UMODL1: variants seen among roughly 807,000 people sequenced by gnomAD.
UMODL1 encodes the protein uromodulin-like 1.
UMODL1 carries 128 observed loss-of-function variants against 136.3 expected under a neutral mutation model. That is an observed-to-expected ratio of 0.94 (90% confidence interval 0.81 to 1.09). The LOEUF (loss-of-function observed/expected upper bound fraction) is 1.09. Ranked by LOEUF, UMODL1 falls within the 50% of genes least tolerant of loss-of-function variation. The pLI, the probability that UMODL1 is intolerant of heterozygous loss-of-function variation, is 0.00. For synonymous variants in UMODL1, 721 were observed against 720.0 expected (o/e 1.00, Z -0.02); for missense variants, 1,766 against 1,725.6 (o/e 1.02, Z -0.41).
Position 42,111,535 on chromosome 21 carries a change from C to A in UMODL1, c.1929C>A (p.Pro643=). ...ELQGNSIMEP[P]SWPSPTEDPT... ...AGGGAAACTCCATCATGGAGCCACC[C>A]TCCTGGCCTTCCCCTACTGAGGACC... is the stretch of plus-strand genomic sequence containing the variant. The change falls in exon 12 of 23, where the codon CCC becomes CCA. Residue 643 remains proline, a synonymous_variant. Coordinates refer to ENST00000408910, the MANE Select transcript of UMODL1 (RefSeq NM_001004416.3). 6.2e-7 allele frequency: 1 copy of A among 1,614,098 alleles called. No individual in the cohort carries two copies. The highest frequency in any genetic ancestry group is 1.1e-5 in the South Asian group (1 of 91,088).
rs762662759 is a variant in UMODL1, at chr21:42,084,213, G to A, written c.449G>A (p.Gly150Glu). 1 of 1,613,788 alleles carries A rather than the reference G, an allele frequency of 6.2e-7. No homozygotes were observed. Among genetic ancestry groups the A allele is most frequent in the Non-Finnish European group, 8.5e-7 (1 of 1,180,010 alleles). Residue 150 changes from glycine (G) to glutamate (E), a missense_variant, in exon 3 of 23, where the codon GGG (glycine) becomes GAG (glutamate). By Grantham distance (98) the Gly-to-Glu change is moderately conservative (BLOSUM62 -2). Transcript: ENST00000408910. The part of the protein sequence containing the change: ...PGLEKCCPWS[G>E]GRYCMAPAPQ... The stretch of plus-strand genomic sequence containing the variant: ...CTTGAGAAGTGCTGCCCCTGGTCAG[G>A]GGGGCGCTACTGCATGGCCCCTGCA...
chr21:42,129,879 T>C (rs1204824003), intron 21 of UMODL1, 82 bp downstream of exon 21: 8 of 1,074,302 alleles, frequency 7.4e-6, no homozygotes, highest in Non-Finnish European at 1.1e-5. Flanking sequence ...AAAAAGTAAC[T>C]GTTGTGAAAT....
In UMODL1 at chr21:42,121,090, A is replaced by T. The variant is rs763646701; in HGVS notation, c.2693A>T (p.Tyr898Phe). The change falls in exon 16 of 23, where the codon TAC (tyrosine) becomes TTC (phenylalanine). Residue 898 changes from tyrosine to phenylalanine, a missense_variant. Transcript: ENST00000408910. ...TTGTCTTCTAAATGTTGTGCAGATT[A>T]CGATGAGTGTGAAAGGAAGGAGGAC... ...VIRGDTFIQD[Y>F]DECERKEDDC... 1 of 1,612,952 alleles carries T rather than the reference A, an allele frequency of 6.2e-7. No individual in the cohort carries two copies. The highest frequency in any genetic ancestry group is 2.2e-5 in the East Asian group (1 of 44,828).
At chr21:42,073,026 G>A (rs982169391) in intron 1 of UMODL1, among the ~76,000 whole-genome samples, 4 of 152,070 alleles carry the variant, frequency 2.6e-5, no homozygotes, top group African/African-American at 9.7e-5. Flanking sequence ...GTGTGTGCGC[G>A]CGCGCGTGTG....
rs768664920 is a variant in UMODL1 at position 42,110,851 on chromosome 21, A to C, written c.1658-29A>C. 11 of 1,565,066 alleles carry C rather than the reference A, an allele frequency of 7.0e-6. No individual in the cohort carries two copies. The Admixed American group carries it at 1.7e-4, about 24-fold the overall frequency. On this transcript the variant is annotated intron_variant, in intron 10 of 22. Coordinates refer to ENST00000408910, the MANE Select transcript of UMODL1 (RefSeq NM_001004416.3). ...CTCTTACTCGTGGGTGGGATCCAGC[A>C]GGCTCTGACAGTGGATGTGTCTTGG...
intron 22 of UMODL1, 142 bp downstream of exon 22, chr21:42,137,783 A>T: frequency 2.0e-6 from 2 of 994,178 alleles, no homozygotes; most frequent in Non-Finnish European, 2.9e-6. Context: ...GGAGTGGGGT[A>T]GGAGGTGCAG....
At position 42,119,299 on chromosome 21, in the gene UMODL1, G is replaced by A. The variant is rs1341675609; in HGVS notation, c.2664G>A (p.Val888=). 1.2e-6 allele frequency: 2 copies of A among 1,614,138 alleles called. No individual in the cohort carries two copies. The highest frequency in any genetic ancestry group is 1.7e-6 in the Non-Finnish European group (2 of 1,180,034). Reference sequence around the variant, plus strand: ...TCCAGACCGTGCCTCTGCTGGAGGTGATCAGAGGCGACACCTTCATACAGG... The same window carrying A: ...TCCAGACCGTGCCTCTGCTGGAGGTAATCAGAGGCGACACCTTCATACAGG... ...TAFQTVPLLE[V]IRGDTFIQDY... Residue 888 remains valine, a synonymous_variant, in exon 15 of 23, where the codon GTG becomes GTA. Coordinates refer to ENST00000408910, the MANE Select transcript of UMODL1 (RefSeq NM_001004416.3).
intron 21 of UMODL1, among the ~76,000 whole-genome samples, chr21:42,130,466 C>T (rs2067119906): frequency 6.6e-6 from 1 of 150,978 alleles, no homozygotes. Context: ...AAATTGTGTG[C>T]TTTGGGTATT....
At chr21:42,108,861 G>A (rs2066764280) in intron 9 of UMODL1, among the ~76,000 whole-genome samples, 1 of 151,924 alleles carries the variant, frequency 6.6e-6, no homozygotes, top group Non-Finnish European at 1.5e-5. Flanking sequence ...GTTGTACTCC[G>A]CTGGACCCCA....
At chr21:42,066,029 C>T (rs987101710) in intron 1 of UMODL1, among the ~76,000 whole-genome samples, 5 of 152,186 alleles carry the variant, frequency 3.3e-5, no homozygotes, top group African/African-American at 9.7e-5. Flanking sequence ...ATTGTTAGGG[C>T]GACAGCATTC....
At position 42,119,251 on chromosome 21, in the gene UMODL1, G is replaced by A. The variant is rs371496159; in HGVS notation, c.2616G>A (p.Val872=). Residue 872 remains valine (V), a synonymous_variant, in exon 15 of 23, where the codon GTG becomes GTA. Coordinates refer to ENST00000408910, the MANE Select transcript of UMODL1 (RefSeq NM_001004416.3). The stretch of plus-strand genomic sequence containing the variant: ...TCGCAGATGTGGATGTCCAGGAGGT[G>A]TCAGCTGCATTTCTCACCGCCTTCC... ...LIIADVDVQE[V]SAAFLTAFQT... The A allele has an allele frequency of 6.2e-6, 10 of 1,614,234 alleles. No individual in the cohort carries two copies. Among genetic ancestry groups the A allele is most frequent in the Non-Finnish European group, 8.5e-6 (10 of 1,180,026 alleles).
chr21:42,098,674 A>AG (rs771318201), intron 6 of UMODL1, among the ~76,000 whole-genome samples: 2 of 152,136 alleles, frequency 1.3e-5, no homozygotes, highest in Non-Finnish European at 2.9e-5. Flanking sequence ...AGGCTGAGGC[A>AG]GAGAATTGCT....
chr21:42,088,187 T>C, intron 4 of UMODL1, 107 bp from the exon 5 acceptor site: 3 of 1,175,984 alleles, frequency 2.6e-6, no homozygotes, highest in Non-Finnish European at 3.6e-6. Flanking sequence ...AAGAGCAGAA[T>C]GGTACGTGTG....
Position 42,076,258 on chromosome 21 carries a change from G to A in UMODL1, c.319+11G>A. ...TCTACTGTGTCTTGCGTGAGTCCAG[G>A]GCTGCTGGGCTGGGGCGGGGCCACC... On this transcript the variant is annotated intron_variant, in intron 2 of 22. Coordinates refer to ENST00000408910, the MANE Select transcript of UMODL1 (RefSeq NM_001004416.3). The A allele has an allele frequency of 3.7e-6, 6 of 1,613,110 alleles. No homozygotes were observed. The highest frequency in any genetic ancestry group is 5.1e-6 in the Non-Finnish European group (6 of 1,179,154).
Position 42,076,250 on chromosome 21 carries a change from G to T in UMODL1, c.319+3G>T. ...GCTCGGCCTCTACTGTGTCTTGCGT[G>T]AGTCCAGGGCTGCTGGGCTGGGGCG... On this transcript the variant is annotated splice_donor_region_variant and intron_variant, in intron 2 of 22. Coordinates refer to ENST00000408910, the MANE Select transcript of UMODL1 (RefSeq NM_001004416.3). The T allele has an allele frequency of 6.2e-7, 1 of 1,614,164 alleles. No homozygotes were observed. The highest frequency in any genetic ancestry group is 1.1e-5 in the South Asian group (1 of 91,074).
At chr21:42,073,060 G>A (rs2066249987) in intron 1 of UMODL1, among the ~76,000 whole-genome samples, 2 of 152,218 alleles carry the variant, frequency 1.3e-5, no homozygotes, top group African/African-American at 4.8e-5. Context: ...GCGCATGTGT[G>A]CAGGACGGCT....
rs78365058 is a variant in UMODL1, at chr21:42,123,246, C to T, written c.3147+96C>T. On this transcript the variant is annotated intron_variant, in intron 17 of 22. Transcript: ENST00000408910. The surrounding 1 kb of genome is among the most constrained non-coding windows in gnomAD (Gnocchi z 4.4). ...TGTGGGAGGGCCAGGCAAGACTCTG[C>T]ACCCCGAGGGGAACCCAGCAAGGGG... The T allele has an allele frequency of 4.3e-3, 6,006 of 1,394,316 alleles. 212 individuals are homozygous for T. The African/African-American group carries it at 0.075, about 18-fold the overall frequency. 86.4% of individuals were successfully genotyped at this position (1,394,316 alleles called of 1,614,324 possible).
At position 42,142,654 on chromosome 21, in the gene UMODL1, C is replaced by T. The variant is rs2067298409; in HGVS notation, c.*580C>T. 2 of 152,200 alleles carry T rather than the reference C, an allele frequency of 1.3e-5. No homozygotes were observed. The highest frequency in any genetic ancestry group is 2.1e-4 in the South Asian group (1 of 4,830). 9.4% of individuals were successfully genotyped at this position (152,200 alleles called of 1,614,324 possible). A position where few individuals can be genotyped will look rare whatever the true frequency, so the allele number is the denominator to read the frequency against. Reference sequence around the variant, plus strand: ...TTTTCTCCTGTGTACCAAGGTATTGCTTTTATTTACACGACAGCGACTCAA... The same window carrying T: ...TTTTCTCCTGTGTACCAAGGTATTGTTTTTATTTACACGACAGCGACTCAA... On this transcript the variant is annotated 3_prime_UTR_variant, in exon 23 of 23. Transcript: ENST00000408910.
intron 14 of UMODL1, among the ~76,000 whole-genome samples, chr21:42,116,792 G>A (rs220140): frequency 6.6e-6 from 1 of 152,010 alleles, no homozygotes; most frequent in African/African-American, 2.4e-5. Context: ...GAAGTCACTC[G>A]CAGCTGGGCA....
Sources: gnomAD v4.1 joint callset for allele counts (sites outside exome capture counted in the v4.1 genomes callset) on GRCh38, gnomAD v4.1.1 for gene constraint, Gnocchi (gnomAD v3.1) non-coding constraint, MANE v1.5 for transcripts, NCBI Gene and HGNC (gene_info 2026-07-23, HGNC 2026-07-21) for gene names.